The following SLC4A11 variants were observed in gnomAD, a reference collection of about 807,000 sequenced individuals.
SLC4A11 encodes the protein bicarbonate transporter related protein 1.
A neutral mutation model predicts 95.0 loss-of-function variants in SLC4A11; 74 were observed. The observed-to-expected ratio is 0.78, with a 90% CI of 0.65 to 0.95. The LOEUF is 0.95. SLC4A11 is among the 40% of genes least tolerant of loss of function. The probability of loss-of-function intolerance (pLI) is 0.00; values close to 1 mark genes in which losing one functional copy is unlikely to be tolerated. For missense variants in SLC4A11, 1,081 were observed against 1,192.4 expected (o/e 0.91, Z 1.38); for synonymous variants, 548 against 519.0 (o/e 1.06, Z -0.76).
chr20:3,235,486 C>CCAGGGGCTGA (rs2067952090), intron 2 of SLC4A11, among the ~76,000 whole-genome samples: 1 of 152,154 alleles, frequency 6.6e-6, no homozygotes, highest in African/African-American at 2.4e-5. Context: ...GGAAACAGAG[C>CCAGGGGCTGA]CAGGGGCTGA....
chr20:3,230,672 C>G, intron 11 of SLC4A11, 25 bp from the exon 12 acceptor site: 1 of 1,613,062 alleles, frequency 6.2e-7, no homozygotes, highest in East Asian at 2.2e-5. Flanking sequence ...CAGGGCGGGT[C>G]AGGGCCCGGC....
Position 3,230,724 on chromosome 20 carries a change from C to G in SLC4A11, c.1282+8G>C. On this transcript the variant is annotated splice_region_variant and intron_variant, in intron 11 of 19. Coordinates refer to ENST00000642402, the MANE Select transcript of SLC4A11 (RefSeq NM_001174089.2). ...AGGCACCATCTCCCGCCTCAGCCCC[C>G]ACTGCACCCTGGATGTAGAGCGCCA... 2 of 1,613,202 alleles carry G rather than the reference C, an allele frequency of 1.2e-6. No homozygotes were observed. Among genetic ancestry groups the G allele is most frequent in the East Asian group, 2.2e-5 (1 of 44,880 alleles).
chr20:3,233,968 G>A lies in SLC4A11; in HGVS notation c.558C>T (p.Thr186=), dbSNP rs779662957. The A allele has an allele frequency of 6.8e-6, 11 of 1,613,790 alleles. No individual in the cohort carries two copies. The highest frequency in any genetic ancestry group is 6.6e-5 in the South Asian group (6 of 91,086). ...HLLSDTIQGV[T]ATVTGVRYQQ... is the part of the protein sequence containing the mutation. ...GGTACCGCACCCCTGTCACTGTGGC[G>A]GTGACCCCTTGGATGGTATCTGACA... is the stretch of plus-strand genomic sequence containing the variant. The change falls in exon 6 of 20, where the codon ACC becomes ACT. Residue 186 remains threonine (T), a synonymous_variant. Transcript: ENST00000642402.
intron 19 of SLC4A11, 89 bp from the exon 20 acceptor site, chr20:3,227,945 G>T: frequency 8.5e-7 from 1 of 1,178,186 alleles, no homozygotes; most frequent in Non-Finnish European, 1.2e-6. Context: ...CACCCACAGG[G>T]CCAGGCTAGG....
chr20:3,235,561 G>T (rs1370977447), intron 2 of SLC4A11, among the ~76,000 whole-genome samples: 1 of 152,008 alleles, frequency 6.6e-6, no homozygotes, highest in Non-Finnish European at 1.5e-5. Flanking sequence ...TCATGTTCTG[G>T]GGGCCCTGGG....
chr20:3,239,455 A>C (rs1302964209), upstream of SLC4A11: 3 of 1,038,484 alleles, frequency 2.9e-6, no homozygotes, highest in Admixed American at 5.6e-5. Context: ...CGGACCCAGC[A>C]GACCCAGCGT....
In SLC4A11 at chr20:3,228,555, C is replaced by T; in HGVS notation, c.2345G>A (p.Gly782Asp). ...GGCCACGCGCTGGACGAGCTGGTTG[C>T]CATCGAGGGAGGTGAGCGCGATGTA... ...FLYIALTSLDGNQLVQRVALL... is the reference protein window; with the variant it reads ...FLYIALTSLDDNQLVQRVALL... Residue 782 changes from glycine (G) to aspartate (D), a missense_variant, in exon 18 of 20, where the codon GGC (glycine) becomes GAC (aspartate). Physicochemically the swap from Gly to Asp is moderately conservative, Grantham distance 94. This residue lies in a region of SLC4A11 where 767 missense variants were observed against 858.0 expected (regional missense o/e 0.89). Coordinates refer to ENST00000642402, the MANE Select transcript of SLC4A11 (RefSeq NM_001174089.2). The T allele has an allele frequency of 6.2e-7, 1 of 1,613,174 alleles. No individual in the cohort carries two copies. Among genetic ancestry groups the T allele is most frequent in the Non-Finnish European group, 8.5e-7 (1 of 1,179,958 alleles).
intron 19 of SLC4A11, 69 bp downstream of exon 19, chr20:3,228,190 G>A (rs566012367): frequency 1.4e-5 from 13 of 944,866 alleles, no homozygotes; most frequent in Middle Eastern, 3.0e-4. Flanking sequence ...CCTCCCAGCC[G>A]CTGCCCCAGC....
In SLC4A11 at chr20:3,233,806, T is replaced by C. The variant is rs1031894014; in HGVS notation, c.605+115A>G. ...TCCAGCCCTCTTCTCCCAAGTTGGT[T>C]GGGCCGCCAGAGCCCCAGGACTCAC... On this transcript the variant is annotated intron_variant, in intron 6 of 19. Transcript: ENST00000642402. The C allele has an allele frequency of 4.0e-6, 6 of 1,517,466 alleles. No individual in the cohort carries two copies. In the African/African-American group the frequency reaches 6.8e-5, roughly 17 times the overall value. 94.0% of individuals were successfully genotyped at this position (1,517,466 alleles called of 1,614,324 possible). A position where few individuals can be genotyped will look rare whatever the true frequency, so the allele number is the denominator to read the frequency against.
chr20:3,237,295 TG>T (rs1376340554), intron 2 of SLC4A11, among the ~76,000 whole-genome samples: 1 of 152,182 alleles, frequency 6.6e-6, no homozygotes, highest in Non-Finnish European at 1.5e-5. Context: ...CAGAAAACCT[TG>T]GGTAAGAATC....
chr20:3,227,459 A>G lies in SLC4A11; in HGVS notation c.*328T>C, dbSNP rs1475875337. 2.6e-6 allele frequency: 1 copy of G among 379,826 alleles called. No individual in the cohort carries two copies. The allele number at this position is 379,826 out of a possible 1,614,324, so 23.5% of individuals were successfully genotyped here. ...GAGCTTTATTCTCTAATGTGCGTCC[A>G]GCAAGTTCCTTACACAATCAAGGAA... On this transcript the variant is annotated 3_prime_UTR_variant, in exon 20 of 20. Transcript: ENST00000642402.
intron 13 of SLC4A11, 97 bp from the exon 14 acceptor site, chr20:3,229,873 A>G: frequency 1.3e-6 from 2 of 1,543,128 alleles, no homozygotes; most frequent in Non-Finnish European, 8.9e-7. Context: ...CTCCAGGGGG[A>G]AGGTGAGGGG....
intron 7 of SLC4A11, 50 bp downstream of exon 7, chr20:3,233,464 G>A (rs375973518): frequency 1.9e-6 from 3 of 1,609,942 alleles, no homozygotes; most frequent in East Asian, 4.5e-5. Flanking sequence ...GCAGAGGGCG[G>A]GTAACCCGGG....
chr20:3,237,579 GGA>G lies in SLC4A11; in HGVS notation c.51_52del (p.Pro18HisfsTer17), dbSNP rs1600618680. 3 of 1,613,924 alleles carry G rather than the reference GGA, an allele frequency of 1.9e-6. No individual in the cohort carries two copies. Among genetic ancestry groups the G allele is most frequent in the South Asian group, 1.1e-5 (1 of 91,078 alleles). On this transcript the variant is annotated frameshift_variant, in exon 2 of 20. Coordinates refer to ENST00000642402, the MANE Select transcript of SLC4A11 (RefSeq NM_001174089.2). LOFTEE classifies it high-confidence loss of function. ...GAAGTATCCATTCTGCGACATGGTG[GGA>G]GAGTTTTCTGCAAGGGAAGCAGAAA... is the stretch of plus-strand genomic sequence containing the variant.
Position 3,233,622 on chromosome 20 carries a change from G to A in SLC4A11, c.621C>T (p.Ala207=). 1.2e-6 allele frequency: 2 copies of A among 1,613,016 alleles called. No individual in the cohort carries two copies. Among genetic ancestry groups the A allele is most frequent in the Non-Finnish European group, 1.7e-6 (2 of 1,180,006 alleles). ...SWLCIICTMK[A]LQKRHVCISR... is the part of the protein sequence containing the mutation. ...TGATGCACACGTGCCGCTTCTGTAG[G>A]GCCTTCATGGTACAGCTGGCAGGGG... The change falls in exon 7 of 20, where the codon GCC becomes GCT. Residue 207 remains alanine, a synonymous_variant. Transcript: ENST00000642402.
At position 3,234,403 on chromosome 20, in the gene SLC4A11, T is replaced by TCCAGCCC. The variant is rs3842433; in HGVS notation, c.292-96_292-90dup. The TCCAGCCC allele has an allele frequency of 0.22, 299,411 of 1,336,130 alleles. 43,446 individuals are homozygous for TCCAGCCC. The highest frequency in any genetic ancestry group is 0.33 in the East Asian group (13,873 of 41,944). 82.8% of individuals were successfully genotyped at this position (1,336,130 alleles called of 1,614,324 possible). ...CCTCCCTCCCAGCCAGCCGCAGCAG[T>TCCAGCCC]CCAGCCCCCAGCCCCCAGCCCCCAG... On this transcript the variant is annotated intron_variant, in intron 4 of 19. Transcript: ENST00000642402. This position sits in a 1 kb window ranked among gnomAD's most constrained non-coding sequence, Gnocchi z 5.8.
At chr20:3,230,883 A>G (rs1355822319) in intron 10 of SLC4A11, 38 bp from the exon 11 acceptor site, 2 of 1,613,120 alleles carry the variant, frequency 1.2e-6, no homozygotes, top group Non-Finnish European at 1.7e-6. Context: ...GCCGCAGCCC[A>G]GGGCCCAGCC....
In SLC4A11 at chr20:3,230,523, G is replaced by A; in HGVS notation, c.1407C>T (p.Leu469=). The stretch of plus-strand genomic sequence containing the variant: ...ACGGAAGGGCCAGTCACCTCTTGAA[G>A]AGACTCATGACCAGGCTGAGGTTGA... The part of the protein sequence containing the change: ...AFFNLSLVMS[L]FKRSTEEIIA... The change falls in exon 12 of 20, where the codon CTC becomes CTT. Residue 469 remains leucine (L), a synonymous_variant. Transcript: ENST00000642402. 6.2e-7 allele frequency: 1 copy of A among 1,613,910 alleles called. No homozygotes were observed. Among genetic ancestry groups the A allele is most frequent in the Non-Finnish European group, 8.5e-7 (1 of 1,180,034 alleles).
intron 2 of SLC4A11, among the ~76,000 whole-genome samples, chr20:3,235,303 TCTCTCTCACACACACACACA>T (rs1232144580): frequency 3.5e-5 from 4 of 114,840 alleles, no homozygotes; most frequent in East Asian, 3.2e-4. Context: ...TCTCTCTCTC[TCTCTCTCACACACACACACA>T]CACACACACA....
Sources: gnomAD v4.1 joint callset for allele counts (sites outside exome capture counted in the v4.1 genomes callset) on GRCh38, gnomAD v4.1.1 for gene constraint, gnomAD v4.1.1 regional missense constraint, Gnocchi (gnomAD v3.1) non-coding constraint, MANE v1.5 for transcripts, NCBI Gene and HGNC (gene_info 2026-07-23, HGNC 2026-07-21) for gene names.